Variants in IGFL4 observed in about 807,000 individuals in gnomAD.
The protein encoded by IGFL4 is IGF like family member 4.
Under a neutral mutation model 15.4 loss-of-function variants are expected in IGFL4, and 12 were observed. The observed-to-expected ratio is 0.78, with a 90% confidence interval of 0.50 to 1.26. IGFL4 has a LOEUF of 1.26. Ranked by LOEUF, IGFL4 falls within the 50% of genes most tolerant of loss-of-function variation. IGFL4 has a pLI of 0.00. For synonymous variants in IGFL4, 54 were observed against 55.9 expected (o/e 0.97, Z 0.16); for missense variants, 126 against 147.8 (o/e 0.85, Z 0.76).
upstream of IGFL4, among the ~76,000 whole-genome samples, chr19:46,041,405 G>A (rs759308897): frequency 4.6e-5 from 7 of 152,242 alleles, no homozygotes; most frequent in East Asian, 1.9e-4. Flanking sequence ...TCTACTCCCC[G>A]TCTCAGTTCA....
Position 46,040,311 on chromosome 19 carries a change from G to A in IGFL4, c.176C>T (p.Thr59Ile). Residue 59 changes from threonine to isoleucine, a missense_variant, in exon 3 of 4, where the codon ACC becomes ATC. By Grantham distance (89) the Thr-to-Ile change is moderately conservative (BLOSUM62 -1). Transcript: ENST00000377697. This position sits in a 1 kb window ranked among gnomAD's most constrained non-coding sequence, Gnocchi z 4.1. ...DDGVILDLNQ[T>I]RLCGSSCTFW... is the part of the protein sequence containing the mutation. ...GGTGCAGCTGGAGCCGCAGAGCCGGGTCTGGTTCAAGTCTAGGATGACACC... is the reference window on the plus strand; with the variant it reads ...GGTGCAGCTGGAGCCGCAGAGCCGGATCTGGTTCAAGTCTAGGATGACACC... 6.2e-7 allele frequency: 1 copy of A among 1,614,186 alleles called. No homozygotes were observed. Among genetic ancestry groups the A allele is most frequent in the Non-Finnish European group, 8.5e-7 (1 of 1,180,040 alleles).
At chr19:46,042,143 C>G (rs576710590), upstream of IGFL4, among the ~76,000 whole-genome samples, 4 of 49,458 alleles carry the variant, frequency 8.1e-5, no homozygotes, top group Admixed American at 7.2e-4. Flanking sequence ...TCCAGCCTGG[C>G]CTCTCCTTTC....
intron 2 of IGFL4, among the ~76,000 whole-genome samples, chr19:46,051,600 T>C (rs1969345667): frequency 6.6e-6 from 1 of 152,068 alleles, no homozygotes; most frequent in African/African-American, 2.4e-5. Flanking sequence ...GATGAACATG[T>C]AGTATTGAGA....
chr19:46,042,733 A>G (rs779312551), upstream of IGFL4, among the ~76,000 whole-genome samples: 5 of 152,206 alleles, frequency 3.3e-5, no homozygotes, highest in Non-Finnish European at 5.9e-5. Flanking sequence ...AGATGACTGA[A>G]CAAGAATAAT....
In IGFL4 at chr19:46,056,609, A is replaced by G. The variant is rs370039472; in HGVS notation, c.-323+3576T>C. 6.2e-4 allele frequency among the ~76,000 whole-genome samples: 94 copies of G among 152,338 alleles called. 5 individuals carry two copies. The highest frequency in any genetic ancestry group is 2.2e-3 in the African/African-American group (92 of 41,570). On this transcript the variant is annotated intron_variant, in intron 2 of 5. Coordinates refer to the IGFL4 transcript ENST00000601672. ...CTGACATGGGTGAGGTCTGGTGGTC[A>G]AGAATTGTTGGATGCTTGCCAGCCC... is the stretch of plus-strand genomic sequence containing the variant.
In IGFL4 at chr19:46,040,491, C is replaced by G. The variant is rs1969230495; in HGVS notation, c.70+27G>C. On this transcript the variant is annotated intron_variant, in intron 2 of 3. Coordinates refer to ENST00000377697, the MANE Select transcript of IGFL4 (RefSeq NM_001002923.3). The surrounding 1 kb of genome is among the most constrained non-coding windows in gnomAD (Gnocchi z 4.1). ...TCCCCACCAACCTTAATGCTGTTCT[C>G]TCCTCCCTCACTGCATCTGTTCTCA... 3.1e-6 allele frequency: 5 copies of G among 1,614,162 alleles called. No individual in the cohort carries two copies. The highest frequency in any genetic ancestry group is 4.2e-6 in the Non-Finnish European group (5 of 1,179,992).
intron 2 of IGFL4, among the ~76,000 whole-genome samples, chr19:46,051,494 G>A (rs1487128659): frequency 6.6e-6 from 1 of 152,154 alleles, no homozygotes; most frequent in Non-Finnish European, 1.5e-5. Flanking sequence ...GCAGTGAGCC[G>A]AGATCGTGCC....
Position 46,039,870 on chromosome 19 carries a change from G to A in IGFL4, c.*22C>T, listed in dbSNP as rs1054623332. On this transcript the variant is annotated 3_prime_UTR_variant, in exon 4 of 4. Coordinates refer to ENST00000377697, the MANE Select transcript of IGFL4 (RefSeq NM_001002923.3). ...AGTATTAGATTCTAGAGTGATCTGT[G>A]ACTCTGCTACCCCAGAACAGTCTAG... The A allele has an allele frequency of 1.3e-6, 2 of 1,588,348 alleles. No homozygotes were observed. The highest frequency in any genetic ancestry group is 1.1e-5 in the South Asian group (1 of 90,464).
chr19:46,049,986 T>C (rs2146515215), intron 2 of IGFL4, among the ~76,000 whole-genome samples: 1 of 152,294 alleles, frequency 6.6e-6, no homozygotes, highest in South Asian at 2.1e-4. Flanking sequence ...GATCACATCA[T>C]GGGACTCTTC....
chr19:46,071,141 T>G (rs913084843), intron 1 of IGFL4, among the ~76,000 whole-genome samples: 3 of 151,940 alleles, frequency 2.0e-5, no homozygotes, highest in African/African-American at 7.3e-5. Context: ...CCTGTTTTTT[T>G]TTTTTTCTTT....
At chr19:46,059,051 G>A (rs1008182345) in intron 2 of IGFL4, 1 of 152,204 alleles carries the variant, frequency 6.6e-6, no homozygotes, top group Admixed American at 6.5e-5. Context: ...CATATAATGA[G>A]CAGTGAGGAC....
chr19:46,045,303 C>A (rs1276433987), upstream of IGFL4, among the ~76,000 whole-genome samples: 1 of 152,016 alleles, frequency 6.6e-6, no homozygotes, highest in African/African-American at 2.4e-5. Flanking sequence ...GTTAGCTGGG[C>A]ATGGTGGCAC....
chr19:46,067,768 C>A (rs1969508867), intron 1 of IGFL4, among the ~76,000 whole-genome samples: 1 of 152,098 alleles, frequency 6.6e-6, no homozygotes, highest in East Asian at 1.9e-4. Context: ...CTCTGGGACC[C>A]ACATCTGATC....
chr19:46,047,536 A>G (rs1969308100), intron 2 of IGFL4, among the ~76,000 whole-genome samples: 1 of 152,228 alleles, frequency 6.6e-6, no homozygotes, highest in Admixed American at 6.5e-5. Flanking sequence ...CAGACTAATG[A>G]AGAAGAAAAG....
chr19:46,073,794 A>G (rs1339621879), intron 1 of IGFL4, among the ~76,000 whole-genome samples: 1 of 152,144 alleles, frequency 6.6e-6, no homozygotes, highest in Non-Finnish European at 1.5e-5. Flanking sequence ...TAGACTCACA[A>G]TCTCAACTTC....
rs1488337770 is a variant in IGFL4, at chr19:46,075,078, TTAAA to T, written c.-432+1938_-432+1941del. On this transcript the variant is annotated intron_variant, in intron 1 of 5. Transcript: ENST00000601672. ...CCTACCACTTAGAGTTTTCAATAGT[TTAAA>T]GAATAATTTATTTTTAGAACAGCAT... 3.3e-5 allele frequency among the ~76,000 whole-genome samples: 5 copies of T among 151,526 alleles called. No individual in the cohort carries two copies. The East Asian group carries it at 9.8e-4, about 30-fold the overall frequency.
chr19:46,049,449 C>T (rs909607342), intron 2 of IGFL4, among the ~76,000 whole-genome samples: 3 of 152,098 alleles, frequency 2.0e-5, no homozygotes, highest in African/African-American at 7.2e-5. Context: ...TGAGACTGGC[C>T]TTTTGGGTTG....
chr19:46,059,702 T>G (rs1400646152), intron 2 of IGFL4: 3 of 152,258 alleles, frequency 2.0e-5, no homozygotes, highest in Non-Finnish European at 4.4e-5. Context: ...ACCAATTTGC[T>G]TTATTATACT....
In IGFL4 at chr19:46,040,293, C is replaced by T. The variant is rs1969225814; in HGVS notation, c.194G>A (p.Ser65Asn). The T allele has an allele frequency of 1.9e-6, 3 of 1,614,022 alleles. No homozygotes were observed. In the African/African-American group the frequency reaches 4.0e-5, roughly 22 times the overall value. Residue 65 changes from serine (S) to asparagine (N), a missense_variant, in exon 3 of 4, where the codon AGC becomes AAC. Physicochemically the swap from Ser to Asn is conservative, Grantham distance 46. Coordinates refer to ENST00000377697, the MANE Select transcript of IGFL4 (RefSeq NM_001002923.3). This position sits in a 1 kb window ranked among gnomAD's most constrained non-coding sequence, Gnocchi z 4.1. ...DLNQTRLCGS[S>N]CTFWPCFQHC... ...CTGGAAGCAGGGCCAGAAGGTGCAG[C>T]TGGAGCCGCAGAGCCGGGTCTGGTT...
Sources: gnomAD v4.1 joint callset for allele counts (sites outside exome capture counted in the v4.1 genomes callset) on GRCh38, gnomAD v4.1.1 for gene constraint, Gnocchi (gnomAD v3.1) non-coding constraint, MANE v1.5 for transcripts, NCBI Gene and HGNC (gene_info 2026-07-23, HGNC 2026-07-21) for gene names.